Variants in KMT2A observed in about 807,000 individuals in gnomAD.
The protein encoded by KMT2A is lysine methyltransferase 2A.
In KMT2A, 16 loss-of-function variants were observed where a neutral mutation model predicts 345.3. That is an observed-to-expected ratio of 0.05 (90% confidence interval 0.03 to 0.07). KMT2A has a LOEUF of 0.07. Ranked by LOEUF, KMT2A falls within the 10% of genes least tolerant of loss-of-function variation. The pLI, the probability that KMT2A is intolerant of heterozygous loss-of-function variation, is 1.00. For synonymous variants in KMT2A, 1,599 were observed against 1,778.6 expected (o/e 0.90, Z 2.54); for missense variants, 3,272 against 4,841.6 (o/e 0.68, Z 9.62).
chr11:118,492,664 G>A (rs1950344464), intron 15 of KMT2A, among the ~76,000 whole-genome samples: 1 of 152,206 alleles, frequency 6.6e-6, no homozygotes, highest in Non-Finnish European at 1.5e-5. Flanking sequence ...GGGTGACAGA[G>A]CGAGAGTCCA....
rs544135781 is a variant in KMT2A, at chr11:118,520,448, C to T, written c.11430-354C>T. The T allele has an allele frequency of 3.4e-5, 11 of 325,306 alleles. No individual in the cohort carries two copies. Among genetic ancestry groups the T allele is most frequent in the East Asian group, 1.8e-4 (3 of 16,260 alleles). The allele number at this position is 325,306 out of a possible 1,614,324, so 20.2% of individuals were successfully genotyped here. A position where few individuals can be genotyped will look rare whatever the true frequency, so the allele number is the denominator to read the frequency against. On this transcript the variant is annotated intron_variant, in intron 33 of 35. Coordinates refer to ENST00000534358, the MANE Select transcript of KMT2A (RefSeq NM_001197104.2). This position sits in a 1 kb window ranked among gnomAD's most constrained non-coding sequence, Gnocchi z 4.3. ...CGGACAGATCATGAGGTCAGGAGTT[C>T]GAGACCAGCCTGACCAACATAGTGA...
rs1555138470 is a variant in KMT2A, at chr11:118,436,547, G to T, written c.35G>T (p.Arg12Leu). The change falls in exon 1 of 36, where the codon CGA becomes CTA. Residue 12 changes from arginine (R) to leucine (L), a missense_variant. By Grantham distance (102) the Arg-to-Leu change is moderately radical. Coordinates refer to ENST00000534358, the MANE Select transcript of KMT2A (RefSeq NM_001197104.2). The surrounding 1 kb of genome is among the most constrained non-coding windows in gnomAD (Gnocchi z 6.9). ...AGCTGTCGGTGGCGCTTCCCCGCCCGACCCGGGACCACCGGGGGCGGCGGC... is the reference window on the plus strand; with the variant it reads ...AGCTGTCGGTGGCGCTTCCCCGCCCTACCCGGGACCACCGGGGGCGGCGGC... ...AHSCRWRFPA[R>L]PGTTGGGGGG... 8.1e-7 allele frequency: 1 copy of T among 1,239,040 alleles called. No individual in the cohort carries two copies. The highest frequency in any genetic ancestry group is 1.6e-5 in the African/African-American group (1 of 64,462). The allele number at this position is 1,239,040 out of a possible 1,614,324, so 76.8% of individuals were successfully genotyped here.
chr11:118,519,456 T>G, intron 31 of KMT2A, 162 bp from the exon 32 acceptor site: 1 of 619,518 alleles, frequency 1.6e-6, no homozygotes, highest in Non-Finnish European at 2.9e-6. Flanking sequence ...TGTATCAGCA[T>G]CATTTTAATG....
rs200371479 is a variant in KMT2A at position 118,506,498 on chromosome 11, C to A, written c.10606C>A (p.Pro3536Thr). Residue 3536 changes from proline to threonine, a missense_variant, in exon 27 of 36, where the codon CCC (proline) becomes ACC (threonine). Transcript: ENST00000534358. The stretch of plus-strand genomic sequence containing the variant: ...GTCAGCAAGCCCTTCAGTGCCGGGT[C>A]CCACTAAACCCAAACCAAAAACCAA... ...QRSASPSVPG[P>T]TKPKPKTKRF... is the part of the protein sequence containing the mutation. 1 of 1,614,192 alleles carries A rather than the reference C, an allele frequency of 6.2e-7. No homozygotes were observed. The highest frequency in any genetic ancestry group is 1.1e-5 in the South Asian group (1 of 91,078).
chr11:118,506,472 G>T lies in KMT2A; in HGVS notation c.10580G>T (p.Arg3527Leu), dbSNP rs147844226. ...CCATCCTCTCCATCTTCTGGACAGCGGTCAGCAAGCCCTTCAGTGCCGGGT... is the reference window on the plus strand; with the variant it reads ...CCATCCTCTCCATCTTCTGGACAGCTGTCAGCAAGCCCTTCAGTGCCGGGT... ...GSPSSPSSGQ[R>L]SASPSVPGPT... Residue 3527 changes from arginine (R) to leucine (L), a missense_variant, in exon 27 of 36, where the codon CGG becomes CTG. By Grantham distance (102) the Arg-to-Leu change is moderately radical. Coordinates refer to ENST00000534358, the MANE Select transcript of KMT2A (RefSeq NM_001197104.2). The T allele has an allele frequency of 1.2e-6, 2 of 1,614,020 alleles. No individual in the cohort carries two copies. The highest frequency in any genetic ancestry group is 1.7e-6 in the Non-Finnish European group (2 of 1,180,034).
intron 10 of KMT2A, among the ~76,000 whole-genome samples, chr11:118,485,867 G>A (rs1950219261): frequency 6.6e-6 from 1 of 152,202 alleles, no homozygotes; most frequent in South Asian, 2.1e-4. Flanking sequence ...CGGATCACAA[G>A]GTCAGGAGAT....
At position 118,504,350 on chromosome 11, in the gene KMT2A, G is replaced by A. The variant is rs375644428; in HGVS notation, c.8458G>A (p.Asp2820Asn). 4.3e-6 allele frequency: 7 copies of A among 1,613,948 alleles called. 1 individual carries two copies. Among genetic ancestry groups the A allele is most frequent in the Admixed American group, 3.3e-5 (2 of 59,992 alleles). Residue 2820 changes from aspartate to asparagine, a missense_variant, in exon 27 of 36, where the codon GAC (aspartate) becomes AAC (asparagine). Physicochemically the swap from Asp to Asn is conservative, Grantham distance 23 (BLOSUM62 1). This residue lies in a region of KMT2A where 100 missense variants were observed against 101.3 expected (regional missense o/e 0.99). Transcript: ENST00000534358. The surrounding 1 kb of genome is among the most constrained non-coding windows in gnomAD (Gnocchi z 6.4). ...CAGAGTCCACACAAGTACCCCCTCC[G>A]ACAAAAATTTACTGGACACCTATAA... ...SRRVHTSTPS[D>N]KNLLDTYNTE...
chr11:118,436,615 G>T lies in KMT2A; in HGVS notation c.103G>T (p.Val35Phe). The T allele has an allele frequency of 8.6e-7, 1 of 1,159,774 alleles. No homozygotes were observed. The highest frequency in any genetic ancestry group is 1.1e-6 in the Non-Finnish European group (1 of 937,768). The allele number at this position is 1,159,774 out of a possible 1,614,324, so 71.8% of individuals were successfully genotyped here. ...RGLGGAPRQR[V>F]PALLLPPGPP... ...CCTAGGGGGCGCCCCGCGGCAACGCGTCCCGGCCCTGCTGCTTCCCCCCGG... is the reference window on the plus strand; with the variant it reads ...CCTAGGGGGCGCCCCGCGGCAACGCTTCCCGGCCCTGCTGCTTCCCCCCGG... The change falls in exon 1 of 36, where the codon GTC (valine) becomes TTC (phenylalanine). Residue 35 changes from valine to phenylalanine, a missense_variant. By Grantham distance (50) the Val-to-Phe change is conservative. Coordinates refer to ENST00000534358, the MANE Select transcript of KMT2A (RefSeq NM_001197104.2). The surrounding 1 kb of genome is among the most constrained non-coding windows in gnomAD (Gnocchi z 6.9).
In KMT2A at chr11:118,521,409, G is replaced by A. The variant is rs2135294971; in HGVS notation, c.11635G>A (p.Asp3879Asn). The change falls in exon 35 of 36, where the codon GAC (aspartate) becomes AAC (asparagine). Residue 3879 changes from aspartate to asparagine, a missense_variant. Around this residue, in one of 27 missense-constraint regions of KMT2A, gnomAD observed 78 missense variants for 254.5 expected, o/e 0.31. Transcript: ENST00000534358. This position sits in a 1 kb window ranked among gnomAD's most constrained non-coding sequence, Gnocchi z 5.3. ...IQTDKREKYYDSKGIGCYMFR... is the reference protein window; with the variant it reads ...IQTDKREKYYNSKGIGCYMFR... ...GACTGACAAGCGGGAAAAGTATTAC[G>A]ACAGCAAGGTAAGTCTCCCACTTGC... The A allele has an allele frequency of 6.2e-7, 1 of 1,613,998 alleles. No homozygotes were observed. Among genetic ancestry groups the A allele is most frequent in the Non-Finnish European group, 8.5e-7 (1 of 1,179,960 alleles).
In KMT2A at chr11:118,476,588, G is replaced by GT. The variant is rs1317844140; in HGVS notation, c.3157-211dup. Reference sequence around the variant, plus strand: ...TCAAATGATCTTCCCACCTCAAGCTGTTTTTTATTTTTTGATTAGAGGCCT... The same window carrying GT: ...TCAAATGATCTTCCCACCTCAAGCTGTTTTTTTATTTTTTGATTAGAGGCCT... On this transcript the variant is annotated intron_variant, in intron 3 of 35. Transcript: ENST00000534358. This position sits in a 1 kb window ranked among gnomAD's most constrained non-coding sequence, Gnocchi z 4.1. Among the ~76,000 whole-genome samples, 1 of 152,038 alleles carries GT rather than the reference G, an allele frequency of 6.6e-6. No individual in the cohort carries two copies. Among genetic ancestry groups the GT allele is most frequent in the Non-Finnish European group, 1.5e-5 (1 of 68,000 alleles).
rs1360252646 is a variant in KMT2A, at chr11:118,526,540, G to GT, written c.*4376dup. 6.6e-5 allele frequency: 15 copies of GT among 226,290 alleles called. No homozygotes were observed. Among genetic ancestry groups the GT allele is most frequent in the Non-Finnish European group, 6.9e-5 (8 of 115,122 alleles). 14.0% of individuals were successfully genotyped at this position (226,290 alleles called of 1,614,324 possible). A position where few individuals can be genotyped will look rare whatever the true frequency, so the allele number is the denominator to read the frequency against. ...CAACTTTATCATGTATAACAGATCTGTTTTTTTTCCTTGTGTTCTTCCAAG... is the reference window on the plus strand; with the variant it reads ...CAACTTTATCATGTATAACAGATCTGTTTTTTTTTCCTTGTGTTCTTCCAAG... On this transcript the variant is annotated 3_prime_UTR_variant, in exon 36 of 36. Transcript: ENST00000534358.
rs782468942 is a variant in KMT2A at position 118,473,391 on chromosome 11, T to C, written c.2232T>C (p.Ile744=). 6.2e-7 allele frequency: 1 copy of C among 1,614,182 alleles called. No homozygotes were observed. Among genetic ancestry groups the C allele is most frequent in the Non-Finnish European group, 8.5e-7 (1 of 1,180,022 alleles). The change falls in exon 3 of 36, where the codon ATT becomes ATC. Residue 744 remains isoleucine (I), a synonymous_variant. Transcript: ENST00000534358. The surrounding 1 kb of genome is among the most constrained non-coding windows in gnomAD (Gnocchi z 5.2). ...GGAAAAGAAAAGTGTTTAGTCCTAT[T>C]CGATCTGAACCAAGATCTCCTTCTC... The part of the protein sequence containing the change: ...RKRKRKVFSP[I]RSEPRSPSHS...
In KMT2A at chr11:118,520,606, G is replaced by A. The variant is rs1204716100; in HGVS notation, c.11430-196G>A. ...GCGGAGGTTACAGTGAGCCGAGATC[G>A]CACCACTGGACTCCAGCCTGGGCGA... On this transcript the variant is annotated intron_variant, in intron 33 of 35. Transcript: ENST00000534358. This position sits in a 1 kb window ranked among gnomAD's most constrained non-coding sequence, Gnocchi z 4.3. 17 of 564,624 alleles carry A rather than the reference G, an allele frequency of 3.0e-5. No individual in the cohort carries two copies. The highest frequency in any genetic ancestry group is 1.5e-4 in the Admixed American group (5 of 32,928). 35.0% of individuals were successfully genotyped at this position (564,624 alleles called of 1,614,324 possible).
chr11:118,449,164 A>G (rs1555027993), intron 1 of KMT2A: 1 of 152,098 alleles, frequency 6.6e-6, no homozygotes. Flanking sequence ...TCCAAATATG[A>G]TGTGGGAGCC....
At chr11:118,437,057 T>C in intron 1 of KMT2A, 113 bp downstream of exon 1, 1 of 1,233,302 alleles carries the variant, frequency 8.1e-7, no homozygotes, top group Non-Finnish European at 1.1e-6. Context: ...TCGGGGTCCC[T>C]GACCCGGGGC....
chr11:118,443,464 T>G (rs1555026408), intron 1 of KMT2A, among the ~76,000 whole-genome samples: 1 of 152,214 alleles, frequency 6.6e-6, no homozygotes, highest in East Asian at 1.9e-4. Flanking sequence ...CTGCCAAACA[T>G]TCGCTTCTAA....
intron 6 of KMT2A, among the ~76,000 whole-genome samples, chr11:118,481,063 C>T (rs1484585721): frequency 1.3e-5 from 2 of 152,132 alleles, no homozygotes; most frequent in African/African-American, 2.4e-5. Flanking sequence ...ATGTCCATTA[C>T]CTCAAGCATT....
At chr11:118,458,483 G>A (rs1555031600) in intron 1 of KMT2A, among the ~76,000 whole-genome samples, 1 of 152,144 alleles carries the variant, frequency 6.6e-6, no homozygotes, top group Non-Finnish European at 1.5e-5. Context: ...GGTATTTAAT[G>A]TTCTTAAAAC....
intron 1 of KMT2A, among the ~76,000 whole-genome samples, chr11:118,451,071 T>G (rs1158547705): frequency 6.6e-6 from 1 of 152,188 alleles, no homozygotes; most frequent in African/African-American, 2.4e-5. Context: ...AAATATTGCA[T>G]TACAAAGTAA....
Sources: gnomAD v4.1 joint callset for allele counts (sites outside exome capture counted in the v4.1 genomes callset) on GRCh38, gnomAD v4.1.1 for gene constraint, gnomAD v4.1.1 regional missense constraint, Gnocchi (gnomAD v3.1) non-coding constraint, MANE v1.5 for transcripts, NCBI Gene and HGNC (gene_info 2026-07-23, HGNC 2026-07-21) for gene names.